The following SRSF11 variants were observed in gnomAD, a reference collection of about 807,000 sequenced individuals.
The protein encoded by SRSF11 is serine and arginine rich splicing factor 11, also known as serine/arginine-rich splicing factor 11.
Under a neutral mutation model 56.0 loss-of-function variants are expected in SRSF11, and 9 were observed. That is an observed-to-expected ratio of 0.16 (90% CI 0.10 to 0.28). SRSF11 has a LOEUF of 0.28. SRSF11 is among the 10% of genes least tolerant of loss of function. SRSF11 has a pLI of 1.00. For synonymous variants in SRSF11, 222 were observed against 215.3 expected, an observed-to-expected ratio of 1.03 and a Z score of -0.27; for missense variants, 421 against 600.7, an observed-to-expected ratio of 0.70 and a Z score of 3.13.
At chr1:70,249,109 T>A (rs1049082908) in intron 9 of SRSF11, 2 of 152,126 alleles carry the variant, frequency 1.3e-5, no homozygotes, top group African/African-American at 2.4e-5. Context: ...GTATATCAGC[T>A]GTATATCTTC....
intron 1 of SRSF11, among the ~76,000 whole-genome samples, chr1:70,224,071 T>G (rs190553716): frequency 2.6e-5 from 4 of 152,308 alleles, no homozygotes; most frequent in African/African-American, 9.6e-5. Context: ...TTACATTGTA[T>G]TAGGTATTAT....
At chr1:70,222,545 T>C (rs1221186986) in intron 1 of SRSF11, among the ~76,000 whole-genome samples, 1 of 152,216 alleles carries the variant, frequency 6.6e-6, no homozygotes, top group Non-Finnish European at 1.5e-5. Context: ...TTGAAAATTA[T>C]TTCTATCGCA....
intron 2 of SRSF11, chr1:70,230,622 A>T (rs974858524): frequency 1.6e-6 from 2 of 1,279,058 alleles, no homozygotes; most frequent in African/African-American, 3.1e-5. Flanking sequence ...TTAACTGGTG[A>T]GGGGCCTCAT....
chr1:70,233,423 A>G (rs1673271853), intron 3 of SRSF11, among the ~76,000 whole-genome samples: 1 of 152,120 alleles, frequency 6.6e-6, no homozygotes, highest in South Asian at 2.1e-4. Flanking sequence ...TATTTTTAGT[A>G]GGGATGGGGT....
chr1:70,240,820 G>T (rs1675209960), intron 7 of SRSF11, among the ~76,000 whole-genome samples: 1 of 137,668 alleles, frequency 7.3e-6, no homozygotes, highest in Non-Finnish European at 1.5e-5. Flanking sequence ...TTGTTGCCCA[G>T]CCTGGAGTGC....
Position 70,249,970 on chromosome 1 carries a change from A to G in SRSF11, c.1041A>G (p.Arg347=). The change falls in exon 10 of 12, where the codon AGA becomes AGG. Residue 347 remains arginine (R), a synonymous_variant. Transcript: ENST00000370949. ...ATTCTAGAGAGAGACGACGACGAAG[A>G]AGCAGGAGTGGCACAAGATCTCCTA... The part of the protein sequence containing the change: ...RSASRERRRR[R]SRSGTRSPKK... The G allele has an allele frequency of 1.2e-6, 2 of 1,614,144 alleles. No individual in the cohort carries two copies. The highest frequency in any genetic ancestry group is 1.7e-6 in the Non-Finnish European group (2 of 1,180,020).
In SRSF11 at chr1:70,251,248, CCAA is replaced by C. The variant is rs2101048263; in HGVS notation, c.*446_*448del. ...ATATCCTAAATGTCATTAAAATCCT[CCAA>C]CATGATGGATCTACTTATGGTCTTG... On this transcript the variant is annotated 3_prime_UTR_variant, in exon 12 of 12. Coordinates refer to ENST00000370949, the MANE Select transcript of SRSF11 (RefSeq NM_001350605.2). The C allele has an allele frequency of 6.3e-6, 1 of 158,092 alleles. No individual in the cohort carries two copies. The highest frequency in any genetic ancestry group is 2.4e-5 in the African/African-American group (1 of 41,628). The allele number at this position is 158,092 out of a possible 1,614,324, so 9.8% of individuals were successfully genotyped here.
chr1:70,227,300 A>G (rs1671996290), intron 1 of SRSF11, among the ~76,000 whole-genome samples: 1 of 152,200 alleles, frequency 6.6e-6, no homozygotes. Flanking sequence ...TTCAGATAGT[A>G]TTAAAATACA....
chr1:70,227,342 TGTAA>T (rs575982515), intron 1 of SRSF11, among the ~76,000 whole-genome samples: 166 of 152,276 alleles, frequency 1.1e-3, no homozygotes, highest in African/African-American at 3.8e-3. Flanking sequence ...AGTCCTATGA[TGTAA>T]GTGTTATATT....
At chr1:70,240,084 CAGTT>C (rs1182673142) in intron 7 of SRSF11, among the ~76,000 whole-genome samples, 1 of 152,144 alleles carries the variant, frequency 6.6e-6, no homozygotes, top group Non-Finnish European at 1.5e-5. Flanking sequence ...AATGAAAAAG[CAGTT>C]AGTTCAGCTC....
intron 1 of SRSF11, among the ~76,000 whole-genome samples, chr1:70,215,578 T>A (rs1669934646): frequency 6.6e-6 from 1 of 152,140 alleles, no homozygotes; most frequent in South Asian, 2.1e-4. Flanking sequence ...AAAAATGTAT[T>A]TGCTTGGGGG....
intron 9 of SRSF11, 134 bp from the exon 10 acceptor site, chr1:70,249,818 C>A: frequency 1.1e-6 from 1 of 896,050 alleles, no homozygotes; most frequent in South Asian, 1.7e-5. Context: ...CCTCAGCCTG[C>A]CAAAGTGCTG....
chr1:70,218,468 G>A (rs1206541951), upstream of SRSF11: 1 of 152,132 alleles, frequency 6.6e-6, no homozygotes, highest in Non-Finnish European at 1.5e-5. Flanking sequence ...GCTTCTGGTG[G>A]TTTAAAGGAT....
At chr1:70,246,482 A>G (rs917275502) in intron 8 of SRSF11, among the ~76,000 whole-genome samples, 1 of 151,956 alleles carries the variant, frequency 6.6e-6, no homozygotes. Context: ...GAAAGTGGTA[A>G]TCAGCTGAGA....
intron 1 of SRSF11, among the ~76,000 whole-genome samples, chr1:70,216,186 A>T (rs551709907): frequency 6.6e-6 from 1 of 152,340 alleles, no homozygotes; most frequent in South Asian, 2.1e-4. Context: ...TAGGACTAAG[A>T]GGATTAGTAT....
intron 1 of SRSF11, among the ~76,000 whole-genome samples, chr1:70,222,432 C>T (rs769600258): frequency 7.7e-4 from 117 of 152,088 alleles, no homozygotes; most frequent in Non-Finnish European, 1.4e-3. Context: ...GAATAATATA[C>T]AGATTTGTGA....
At position 70,251,460 on chromosome 1, in the gene SRSF11, A is replaced by G. The variant is rs1370444562; in HGVS notation, c.*655A>G. ...AATACAGAAACAAGATTTCAAATAA[A>G]ACTGTCTTTGGCAGTGAGTAAATAG... is the stretch of plus-strand genomic sequence containing the variant. On this transcript the variant is annotated 3_prime_UTR_variant, in exon 12 of 12. Coordinates refer to ENST00000370949, the MANE Select transcript of SRSF11 (RefSeq NM_001350605.2). 6.6e-6 allele frequency: 1 copy of G among 152,620 alleles called. No individual in the cohort carries two copies. Among genetic ancestry groups the G allele is most frequent in the Admixed American group, 6.5e-5 (1 of 15,292 alleles). 9.5% of individuals were successfully genotyped at this position (152,620 alleles called of 1,614,324 possible). A position where few individuals can be genotyped will look rare whatever the true frequency, so the allele number is the denominator to read the frequency against.
intron 9 of SRSF11, chr1:70,247,236 T>C: frequency 9.8e-6 from 4 of 408,680 alleles, no homozygotes; most frequent in Non-Finnish European, 1.3e-5. Flanking sequence ...GTAAGCTATA[T>C]TTATCATCTG....
At chr1:70,246,768 G>A in intron 8 of SRSF11, 50 bp from the exon 9 acceptor site, 4 of 1,167,800 alleles carry the variant, frequency 3.4e-6, no homozygotes, top group Non-Finnish European at 5.0e-6. Flanking sequence ...TATATAAATT[G>A]GCATCAGCTG....
Sources: allele counts gnomAD v4.1 joint callset (sites outside exome capture counted in the v4.1 genomes callset), GRCh38; gene constraint gnomAD v4.1.1; transcripts MANE v1.5; gene names NCBI Gene and HGNC (gene_info 2026-07-23, HGNC 2026-07-21).